The following STT3B variants were observed in gnomAD, a reference collection of about 807,000 sequenced individuals.
STT3B encodes the protein dolichyl-diphosphooligosaccharide--protein glycosyltransferase subunit STT3B.
Under a neutral mutation model 96.8 loss-of-function variants are expected in STT3B, and 29 were observed. The observed-to-expected ratio is 0.30, with a 90% CI of 0.22 to 0.41. The LOEUF (loss-of-function observed/expected upper bound fraction) is 0.41, where lower values mean the gene tolerates loss of function less well. Ranked by LOEUF, STT3B falls within the 10% of genes least tolerant of loss-of-function variation. The pLI is 1.00. For synonymous variants in STT3B, 367 were observed against 360.0 expected (o/e 1.02, Z -0.22); for missense variants, 640 against 1,022.3 (o/e 0.63, Z 5.10).
At chr3:31,571,863 C>G (rs2125449509) in intron 1 of STT3B, among the ~76,000 whole-genome samples, 1 of 150,192 alleles carries the variant, frequency 6.7e-6, no homozygotes, top group African/African-American at 2.4e-5. Context: ...ACAACTCAAT[C>G]TGTAACATAA....
At chr3:31,582,855 T>C (rs551567065) in intron 3 of STT3B, among the ~76,000 whole-genome samples, 3 of 152,224 alleles carry the variant, frequency 2.0e-5, no homozygotes, top group African/African-American at 4.8e-5. Flanking sequence ...CCTTCTGTTA[T>C]TGATTTCTGA....
rs1479982008 is a variant in STT3B, at chr3:31,576,469, G to T, written c.388G>T (p.Ala130Ser). The T allele has an allele frequency of 1.2e-6, 2 of 1,602,838 alleles. No homozygotes were observed. The highest frequency in any genetic ancestry group is 1.7e-6 in the Non-Finnish European group (2 of 1,172,604). Residue 130 changes from alanine (A) to serine (S), a missense_variant, in exon 2 of 16, where the codon GCA becomes TCA. By Grantham distance (99) the Ala-to-Ser change is moderately conservative. This residue lies in a region of STT3B where 267 missense variants were observed against 388.3 expected (regional missense o/e 0.69). Coordinates refer to ENST00000295770, the MANE Select transcript of STT3B (RefSeq NM_178862.3). ...ATTTTTAAATTGGTTTGATGAAAGA[G>T]CATGGTATCCACTAGGAAGAATAGT... is the stretch of plus-strand genomic sequence containing the variant. The part of the protein sequence containing the change: ...YEFLNWFDER[A>S]WYPLGRIVGG...
At chr3:31,572,023 TATATATTAATATATG>T (rs1259505050) in intron 1 of STT3B, among the ~76,000 whole-genome samples, 2 of 40,780 alleles carry the variant, frequency 4.9e-5, no homozygotes, top group African/African-American at 9.2e-5. Context: ...AACATATTAA[TATATATTAATATATG>T]ATATATTAAT....
chr3:31,538,000 G>T (rs2125433241), intron 1 of STT3B, among the ~76,000 whole-genome samples: 1 of 152,162 alleles, frequency 6.6e-6, no homozygotes, highest in Non-Finnish European at 1.5e-5. Flanking sequence ...TGATCTTAGG[G>T]AGTGAAAATA....
At chr3:31,549,237 TATATC>T (rs1697492013) in intron 1 of STT3B, among the ~76,000 whole-genome samples, 1 of 152,150 alleles carries the variant, frequency 6.6e-6, no homozygotes. Flanking sequence ...TAGGAACAAG[TATATC>T]CACATTAGGA....
At chr3:31,560,567 A>G (rs1697850776) in intron 1 of STT3B, among the ~76,000 whole-genome samples, 1 of 151,954 alleles carries the variant, frequency 6.6e-6, no homozygotes, top group Non-Finnish European at 1.5e-5. Context: ...AGCACTTTCA[A>G]TACATTATCC....
chr3:31,589,699 C>T (rs1698622968), intron 3 of STT3B, among the ~76,000 whole-genome samples: 1 of 151,918 alleles, frequency 6.6e-6, no homozygotes, highest in South Asian at 2.1e-4. Context: ...ATCATATATT[C>T]TGTGACCTTG....
At chr3:31,612,650 T>C (rs1181125448) in intron 5 of STT3B, among the ~76,000 whole-genome samples, 1 of 152,206 alleles carries the variant, frequency 6.6e-6, no homozygotes, top group Non-Finnish European at 1.5e-5. Context: ...TGTTTTCTAC[T>C]TTACTAATGA....
At chr3:31,628,995 A>G (rs1382074750) in intron 13 of STT3B, among the ~76,000 whole-genome samples, 2 of 152,140 alleles carry the variant, frequency 1.3e-5, no homozygotes, top group Non-Finnish European at 2.9e-5. Flanking sequence ...AGTCCCAGCT[A>G]CTTGAGAGGC....
intron 1 of STT3B, among the ~76,000 whole-genome samples, chr3:31,573,044 T>A (rs1356755269): frequency 6.6e-6 from 1 of 152,084 alleles, no homozygotes; most frequent in Non-Finnish European, 1.5e-5. Flanking sequence ...ATGAGTTAAC[T>A]GGGATAGGGA....
chr3:31,612,437 T>C (rs1014780927), intron 5 of STT3B, among the ~76,000 whole-genome samples: 1 of 152,218 alleles, frequency 6.6e-6, no homozygotes, highest in Admixed American at 6.5e-5. Flanking sequence ...ATGAGACTAA[T>C]TGGGATAGAG....
chr3:31,588,219 C>G (rs1698588627), intron 3 of STT3B, among the ~76,000 whole-genome samples: 1 of 152,056 alleles, frequency 6.6e-6, no homozygotes, highest in African/African-American at 2.4e-5. Context: ...ACTTTCGACT[C>G]TGTTTAATAA....
At chr3:31,575,530 A>G (rs1180397479) in intron 1 of STT3B, among the ~76,000 whole-genome samples, 1 of 152,074 alleles carries the variant, frequency 6.6e-6, no homozygotes, top group Non-Finnish European at 1.5e-5. Flanking sequence ...CAAAGCTTGC[A>G]TCTAGTGATT....
intron 3 of STT3B, 131 bp downstream of exon 3, chr3:31,580,227 T>A (rs1344884799): frequency 9.7e-6 from 8 of 823,312 alleles, no homozygotes; most frequent in Non-Finnish European, 1.5e-5. Flanking sequence ...CTGTTCATAA[T>A]CAATTTAATA....
chr3:31,624,799 A>G, intron 11 of STT3B, 115 bp from the exon 12 acceptor site: 4 of 755,048 alleles, frequency 5.3e-6, no homozygotes, highest in Non-Finnish European at 8.4e-6. Flanking sequence ...CTTTTACTTA[A>G]TAACTACCAT....
At chr3:31,593,781 T>C (rs967212511) in intron 3 of STT3B, among the ~76,000 whole-genome samples, 1 of 152,116 alleles carries the variant, frequency 6.6e-6, no homozygotes, top group East Asian at 1.9e-4. Flanking sequence ...TTTTGTGTTA[T>C]ATCATTATAT....
chr3:31,610,132 A>T (rs1481003151), intron 5 of STT3B, among the ~76,000 whole-genome samples: 1 of 152,144 alleles, frequency 6.6e-6, no homozygotes, highest in Non-Finnish European at 1.5e-5. Context: ...TCTTTAATCC[A>T]TGTTTCTTAC....
chr3:31,588,805 C>T (rs1698603760), intron 3 of STT3B, among the ~76,000 whole-genome samples: 1 of 151,876 alleles, frequency 6.6e-6, no homozygotes, highest in Non-Finnish European at 1.5e-5. Flanking sequence ...TGTCAAAGGT[C>T]AGTTTATATT....
intron 1 of STT3B, among the ~76,000 whole-genome samples, chr3:31,544,509 T>A (rs1227599212): frequency 6.6e-6 from 1 of 152,224 alleles, no homozygotes; most frequent in Admixed American, 6.5e-5. Context: ...CATGTAATAA[T>A]GGCAGTATTC....
Sources: allele counts gnomAD v4.1 joint callset (sites outside exome capture counted in the v4.1 genomes callset), GRCh38; gene constraint gnomAD v4.1.1; regional missense constraint gnomAD v4.1.1; transcripts MANE v1.5; gene names NCBI Gene and HGNC (gene_info 2026-07-23, HGNC 2026-07-21).